Variants in TJP1 observed in about 807,000 individuals in gnomAD.
TJP1 encodes tight junction protein 1, also known as tight junction protein ZO-1.
A neutral mutation model predicts 194.2 loss-of-function variants in TJP1; 43 were observed. That is an observed-to-expected ratio of 0.22 (90% CI 0.17 to 0.29). The LOEUF (loss-of-function observed/expected upper bound fraction) is 0.29, where lower values mean the gene tolerates loss of function less well. Ranked by LOEUF, TJP1 falls within the 10% of genes least tolerant of loss-of-function variation. The pLI, the probability that TJP1 is intolerant of heterozygous loss-of-function variation, is 1.00. For synonymous variants in TJP1, 801 were observed against 779.0 expected, an observed-to-expected ratio of 1.03 and a Z score of -0.47; for missense variants, 1,971 against 2,185.7, an observed-to-expected ratio of 0.90 and a Z score of 1.96.
At chr15:29,787,198 G>GT (rs1258498613) in intron 2 of TJP1, among the ~76,000 whole-genome samples, 2 of 152,090 alleles carry the variant, frequency 1.3e-5, no homozygotes, top group Non-Finnish European at 2.9e-5. Context: ...GTACACAGTT[G>GT]TAACCATCAC....
chr15:29,710,835 A>G lies in TJP1; in HGVS notation c.4368T>C (p.Gly1456=). ...GTCTACTTCCGAACTTCCTACCTTCACCATGTGCTCCCTTAGAATGTATGT... is the reference window on the plus strand; with the variant it reads ...GTCTACTTCCGAACTTCCTACCTTCGCCATGTGCTCCCTTAGAATGTATGT... ...SLHIHSKGAH[G]EGNSVSLDFQ... The change falls in exon 24 of 28, where the codon GGT becomes GGC. Residue 1456 remains glycine (G), a synonymous_variant. Transcript: ENST00000614355. 6.2e-7 allele frequency: 1 copy of G among 1,613,966 alleles called. No homozygotes were observed.
intron 2 of TJP1, among the ~76,000 whole-genome samples, chr15:29,950,627 C>T (rs770149300): frequency 6.6e-5 from 10 of 152,136 alleles, no homozygotes; most frequent in African/African-American, 1.2e-4. Context: ...GGAGTGAGAA[C>T]GGGGGAAGGG....
intron 2 of TJP1, among the ~76,000 whole-genome samples, chr15:29,908,973 T>C (rs1404728079): frequency 6.6e-6 from 1 of 151,160 alleles, no homozygotes; most frequent in African/African-American, 2.4e-5. Context: ...GCTAACACGG[T>C]GAAACCCCGT....
chr15:29,821,699 T>TC (rs1417478605), intron 1 of TJP1, among the ~76,000 whole-genome samples: 1 of 151,920 alleles, frequency 6.6e-6, no homozygotes, highest in African/African-American at 2.4e-5. Context: ...CTGTTGCGTG[T>TC]CCCCGCCCTC....
intron 2 of TJP1, among the ~76,000 whole-genome samples, chr15:29,799,116 G>A (rs764416972): frequency 2.0e-5 from 3 of 151,988 alleles, no homozygotes; most frequent in Non-Finnish European, 4.4e-5. Flanking sequence ...AACTGTAAGG[G>A]TCAATTTCAC....
intron 15 of TJP1, among the ~76,000 whole-genome samples, chr15:29,730,015 G>C (rs776947645): frequency 9.2e-5 from 14 of 152,036 alleles, no homozygotes; most frequent in Non-Finnish European, 1.9e-4. Flanking sequence ...TGTATCTTTT[G>C]TAATAGTAAT....
Position 29,877,565 on chromosome 15 carries a change from CTCTT to C in TJP1, c.307-76867_307-76864del, listed in dbSNP as rs776360873. Among the ~76,000 whole-genome samples the C allele has an allele frequency of 6.3e-4, 96 of 151,634 alleles. 1 individual carries two copies. Among genetic ancestry groups the C allele is most frequent in the East Asian group, 2.1e-3 (11 of 5,124 alleles). ...TCTTCTCTTTTCTTTCTTTCTTTTT[CTCTT>C]TCTTTCTTTCTTTCCTTCCTTCCTT... On this transcript the variant is annotated intron_variant, in intron 2 of 28. Coordinates refer to the TJP1 transcript ENST00000356107.
chr15:29,833,293 G>C (rs555498942), intron 2 of TJP1, among the ~76,000 whole-genome samples: 366 of 152,184 alleles, frequency 2.4e-3, no homozygotes, highest in Non-Finnish European at 4.3e-3. Flanking sequence ...TACGTATAAG[G>C]ATTGTGTAGT....
At position 29,714,886 on chromosome 15, in the gene TJP1, C is replaced by T. The variant is rs192090394; in HGVS notation, c.4202+1725G>A. 2.5e-3 allele frequency among the ~76,000 whole-genome samples: 385 copies of T among 152,172 alleles called. 2 individuals are homozygous for T. Among genetic ancestry groups the T allele is most frequent in the African/African-American group, 8.9e-3 (371 of 41,518 alleles). On this transcript the variant is annotated intron_variant, in intron 23 of 27. Coordinates refer to ENST00000614355, the MANE Select transcript of TJP1 (RefSeq NM_001330239.4). Reference sequence around the variant, plus strand: ...TATTCTATTTACCAAATATGTAAAACGATAAATAAGAGATATCTTTAAACT... The same window carrying T: ...TATTCTATTTACCAAATATGTAAAATGATAAATAAGAGATATCTTTAAACT...
At chr15:29,807,658 G>A (rs781638054) in intron 1 of TJP1, among the ~76,000 whole-genome samples, 1 of 151,744 alleles carries the variant, frequency 6.6e-6, no homozygotes, top group Admixed American at 6.6e-5. Context: ...CATGAGGGGA[G>A]GGGAGGAAAT....
intron 10 of TJP1, among the ~76,000 whole-genome samples, chr15:29,740,734 A>T (rs1011398645): frequency 5.9e-5 from 9 of 152,334 alleles, no homozygotes; most frequent in African/African-American, 1.9e-4. Flanking sequence ...TATATAATGT[A>T]AAGTAATGAA....
intron 19 of TJP1, 118 bp downstream of exon 19, chr15:29,720,240 T>C (rs543177547): frequency 5.3e-5 from 60 of 1,140,866 alleles, no homozygotes; most frequent in Admixed American, 3.7e-4. Context: ...CAAATTGAAA[T>C]TGAAGATTAA....
intron 2 of TJP1, among the ~76,000 whole-genome samples, chr15:29,799,693 G>T (rs2048655262): frequency 6.6e-6 from 1 of 152,130 alleles, no homozygotes; most frequent in African/African-American, 2.4e-5. Context: ...GGGATTACAG[G>T]CGTGAGCCAC....
chr15:29,876,768 T>C (rs953471941), intron 2 of TJP1, among the ~76,000 whole-genome samples: 8 of 152,194 alleles, frequency 5.3e-5, no homozygotes, highest in Middle Eastern at 3.2e-3. Context: ...CGTGGACTGC[T>C]GCAGCCCTCC....
intron 2 of TJP1, among the ~76,000 whole-genome samples, chr15:29,798,205 G>A (rs2048539283): frequency 1.3e-5 from 2 of 151,484 alleles, no homozygotes; most frequent in Admixed American, 6.6e-5. Context: ...TCCTGGCCTC[G>A]GGTAATCCAC....
intron 2 of TJP1, among the ~76,000 whole-genome samples, chr15:29,856,065 T>C (rs1275698817): frequency 1.3e-5 from 2 of 152,144 alleles, no homozygotes; most frequent in Non-Finnish European, 2.9e-5. Flanking sequence ...ACAGCACAAC[T>C]GTGCTTCAGC....
At chr15:29,753,686 T>G (rs985742679) in intron 8 of TJP1, among the ~76,000 whole-genome samples, 2 of 151,960 alleles carry the variant, frequency 1.3e-5, no homozygotes, top group African/African-American at 4.8e-5. Flanking sequence ...ACTATGCACA[T>G]TGGTCACGGT....
chr15:29,916,975 C>T (rs565861631), intron 2 of TJP1, among the ~76,000 whole-genome samples: 1 of 152,314 alleles, frequency 6.6e-6, no homozygotes, highest in East Asian at 1.9e-4. Context: ...ACCCCCCCTC[C>T]ACCACCACCT....
chr15:29,795,196 G>T (rs542784261), intron 2 of TJP1, among the ~76,000 whole-genome samples: 1 of 152,178 alleles, frequency 6.6e-6, no homozygotes, highest in Non-Finnish European at 1.5e-5. Context: ...GGCTGAGGTG[G>T]GAGGATTGCC....
Sources: gnomAD v4.1 joint callset for allele counts (sites outside exome capture counted in the v4.1 genomes callset) on GRCh38, gnomAD v4.1.1 for gene constraint, MANE v1.5 for transcripts, NCBI Gene and HGNC (gene_info 2026-07-23, HGNC 2026-07-21) for gene names.